The following FAM168A variants were observed in gnomAD, a reference collection of about 807,000 sequenced individuals.
The protein encoded by FAM168A is protein FAM168A.
A neutral mutation model predicts 28.5 loss-of-function variants in FAM168A; 3 were observed. The observed-to-expected ratio is 0.11, with a 90% CI of 0.05 to 0.27. The LOEUF (loss-of-function observed/expected upper bound fraction) is 0.27. FAM168A is among the 10% of genes least tolerant of loss of function. The probability of loss-of-function intolerance (pLI) is 1.00; values close to 1 mark genes in which losing one functional copy is unlikely to be tolerated. For missense variants in FAM168A, 222 were observed against 311.5 expected (o/e 0.71, Z 2.16); for synonymous variants, 122 against 124.2 (o/e 0.98, Z 0.12).
rs909207863 is a variant in FAM168A at position 73,406,425 on chromosome 11, C to T, written c.*338G>A. On this transcript the variant is annotated 3_prime_UTR_variant, in exon 8 of 8. Transcript: ENST00000356467. The stretch of plus-strand genomic sequence containing the variant: ...AGATGAACCACTGCAATAAACCCTA[C>T]TCTCTGCTTGCCTCTAGACTGGGAT... 6.6e-6 allele frequency: 1 copy of T among 152,164 alleles called. No homozygotes were observed. The highest frequency in any genetic ancestry group is 1.5e-5 in the Non-Finnish European group (1 of 68,078). The allele number at this position is 152,164 out of a possible 1,614,324, so 9.4% of individuals were successfully genotyped here. A position where few individuals can be genotyped will look rare whatever the true frequency, so the allele number is the denominator to read the frequency against.
chr11:73,474,555 T>C (rs1267040877), intron 1 of FAM168A, among the ~76,000 whole-genome samples: 1 of 152,160 alleles, frequency 6.6e-6, no homozygotes. Flanking sequence ...TAATTGCCTC[T>C]TAAAGGTCCC....
intron 1 of FAM168A, among the ~76,000 whole-genome samples, chr11:73,477,636 A>G (rs1461974418): frequency 1.3e-5 from 2 of 152,198 alleles, no homozygotes; most frequent in Non-Finnish European, 2.9e-5. Flanking sequence ...AATAAGATTA[A>G]CAGCTGACCG....
chr11:73,438,115 ATCG>A (rs985306893), intron 2 of FAM168A, among the ~76,000 whole-genome samples: 2 of 152,144 alleles, frequency 1.3e-5, no homozygotes, highest in Non-Finnish European at 1.5e-5. Context: ...CATCATCATC[ATCG>A]TCATCATCAT....
intron 1 of FAM168A, among the ~76,000 whole-genome samples, chr11:73,481,191 C>G (rs1177946572): frequency 6.6e-6 from 1 of 152,154 alleles, no homozygotes; most frequent in East Asian, 1.9e-4. Flanking sequence ...GTAGCTGGGA[C>G]TACAGGCACG....
intron 1 of FAM168A, among the ~76,000 whole-genome samples, chr11:73,561,755 TC>T (rs1247994140): frequency 6.6e-6 from 1 of 152,164 alleles, no homozygotes; most frequent in Admixed American, 6.5e-5. Flanking sequence ...AGGCCTCCCT[TC>T]TTTTACTGAA....
chr11:73,425,587 C>T (rs1866872851), intron 3 of FAM168A, among the ~76,000 whole-genome samples: 2 of 152,202 alleles, frequency 1.3e-5, no homozygotes, highest in Admixed American at 6.5e-5. Context: ...CCCAGCTATA[C>T]TGCCTTTTTT....
chr11:73,494,371 C>G (rs768185897), intron 1 of FAM168A, among the ~76,000 whole-genome samples: 45 of 152,144 alleles, frequency 3.0e-4, no homozygotes, highest in Non-Finnish European at 1.6e-4. Context: ...GACAAGAGAT[C>G]TCCTGTGCTT....
chr11:73,575,545 A>C (rs1231836788), intron 1 of FAM168A, among the ~76,000 whole-genome samples: 2 of 152,164 alleles, frequency 1.3e-5, no homozygotes, highest in East Asian at 3.9e-4. Flanking sequence ...GGTAACATGG[A>C]AACAATACCT....
At chr11:73,458,382 A>G (rs1035720889) in intron 2 of FAM168A, among the ~76,000 whole-genome samples, 1 of 152,172 alleles carries the variant, frequency 6.6e-6, no homozygotes, top group African/African-American at 2.4e-5. Flanking sequence ...TTCGCATGTA[A>G]ATCAGTCACA....
At chr11:73,486,082 A>G (rs1212681331) in intron 1 of FAM168A, among the ~76,000 whole-genome samples, 3 of 152,168 alleles carry the variant, frequency 2.0e-5, no homozygotes, top group East Asian at 3.8e-4. Flanking sequence ...AGTTTGGGGG[A>G]AAACGGCCCA....
intron 1 of FAM168A, among the ~76,000 whole-genome samples, chr11:73,514,704 G>A (rs139188021): frequency 7.2e-5 from 11 of 152,236 alleles, no homozygotes; most frequent in African/African-American, 2.2e-4. Flanking sequence ...ATGGTGGTGT[G>A]CTCCTGTAGT....
At chr11:73,518,598 G>C (rs1943334712) in intron 1 of FAM168A, among the ~76,000 whole-genome samples, 1 of 151,642 alleles carries the variant, frequency 6.6e-6, no homozygotes, top group Non-Finnish European at 1.5e-5. Flanking sequence ...TCCAGTGCTG[G>C]CTCTTAAAAC....
At chr11:73,487,332 T>A (rs1332683747) in intron 1 of FAM168A, among the ~76,000 whole-genome samples, 1 of 152,188 alleles carries the variant, frequency 6.6e-6, no homozygotes, top group African/African-American at 2.4e-5. Context: ...TGCTTTCCTG[T>A]GCAGCACTTT....
rs12365321 is a variant in FAM168A, at chr11:73,418,473, G to A, written c.277+1401C>T. Among the ~76,000 whole-genome samples the A allele has an allele frequency of 3.6e-3, 554 of 152,326 alleles. 2 individuals carry two copies. Among genetic ancestry groups the A allele is most frequent in the South Asian group, 0.028 (137 of 4,828 alleles). On this transcript the variant is annotated intron_variant, in intron 4 of 7. Transcript: ENST00000356467. ...GGTTGGTACCATGCTTGTGCAGCCT[G>A]CAGAACCGTAAGCCAATTAAACCTC...
intron 1 of FAM168A, among the ~76,000 whole-genome samples, chr11:73,505,696 C>A (rs1056557236): frequency 1.1e-4 from 17 of 152,148 alleles, no homozygotes; most frequent in African/African-American, 3.6e-4. Flanking sequence ...GGAAAGAGAA[C>A]AAGCCAGCAG....
At chr11:73,445,120 G>A (rs1387033725) in intron 2 of FAM168A, among the ~76,000 whole-genome samples, 1 of 152,084 alleles carries the variant, frequency 6.6e-6, no homozygotes, top group Non-Finnish European at 1.5e-5. Context: ...TTAGCTGGGC[G>A]TGGTGGTGCA....
intron 1 of FAM168A, among the ~76,000 whole-genome samples, chr11:73,515,219 C>T (rs894195209): frequency 9.9e-5 from 15 of 152,006 alleles, no homozygotes; most frequent in Non-Finnish European, 8.8e-5. Context: ...TCTTATAAAC[C>T]AATGAAACGG....
chr11:73,556,145 A>C (rs984173995), intron 1 of FAM168A, among the ~76,000 whole-genome samples: 6 of 46,062 alleles, frequency 1.3e-4, no homozygotes, highest in African/African-American at 4.6e-4. Context: ...GGAGTTCAAG[A>C]ACAGCCTGGG....
chr11:73,407,640 G>T lies in FAM168A; in HGVS notation c.599C>A (p.Thr200Asn). The T allele has an allele frequency of 6.2e-7, 1 of 1,609,762 alleles. No individual in the cohort carries two copies. Among genetic ancestry groups the T allele is most frequent in the Non-Finnish European group, 8.5e-7 (1 of 1,178,088 alleles). ...CGTGTGCTGGGGTGTAGTCAGCAGGGTACCTGAGCATCCAGAGAGAGAAGA... is the reference window on the plus strand; with the variant it reads ...CGTGTGCTGGGGTGTAGTCAGCAGGTTACCTGAGCATCCAGAGAGAGAAGA... ...AGTTMAMSAG[T>N]LLTTPQHTAI... is the part of the protein sequence containing the mutation. The change falls in exon 7 of 8, where the codon ACC (threonine) becomes AAC (asparagine). Residue 200 changes from threonine (T) to asparagine (N), a missense_variant. By Grantham distance (65) the Thr-to-Asn change is moderately conservative (BLOSUM62 0). This residue lies in a region of FAM168A where 64 missense variants were observed against 94.6 expected (regional missense o/e 0.68). Transcript: ENST00000356467.
Sources: gnomAD v4.1 joint callset for allele counts (sites outside exome capture counted in the v4.1 genomes callset) on GRCh38, gnomAD v4.1.1 for gene constraint, gnomAD v4.1.1 regional missense constraint, MANE v1.5 for transcripts, NCBI Gene and HGNC (gene_info 2026-07-23, HGNC 2026-07-21) for gene names.